The following MYH15 variants were observed in gnomAD, a reference collection of about 807,000 sequenced individuals.
MYH15 encodes myosin-15.
MYH15 carries 227 observed loss-of-function variants against 240.5 expected under a neutral mutation model. The ratio of observed to expected loss-of-function variants is 0.94; its 90% confidence interval spans 0.85 to 1.05. The LOEUF is 1.05. Ranked by LOEUF, MYH15 falls within the 50% of genes least tolerant of loss-of-function variation. MYH15 has a pLI of 0.00. For synonymous variants in MYH15, 785 were observed against 796.7 expected (o/e 0.99, Z 0.25); for missense variants, 2,217 against 2,247.5 (o/e 0.99, Z 0.27).
chr3:108,539,098 AGTAAGTTTC>A, the MYH15 span, among the ~76,000 whole-genome samples: 1 of 152,212 alleles, frequency 6.6e-6, no homozygotes, highest in Non-Finnish European at 1.5e-5. Flanking sequence ...TGCATTGTGT[AGTAAGTTTC>A]CTACACATGA....
intron 36 of MYH15, among the ~76,000 whole-genome samples, 157 bp from the exon 37 acceptor site, chr3:108,392,087 C>T (rs1401892768): frequency 1.3e-5 from 2 of 152,098 alleles, no homozygotes; most frequent in Non-Finnish European, 2.9e-5. Flanking sequence ...CTACCACCCT[C>T]GAGTTTGTTA....
At chr3:108,478,709 T>A (rs749382842) in intron 11 of MYH15, among the ~76,000 whole-genome samples, 1 of 152,156 alleles carries the variant, frequency 6.6e-6, no homozygotes, top group Non-Finnish European at 1.5e-5. Context: ...ACATTTGTTT[T>A]TTCTAAGCTT....
Position 108,399,222 on chromosome 3 carries a change from A to G in MYH15, c.4782T>C (p.Asp1594=). 1 of 1,614,216 alleles carries G rather than the reference A, an allele frequency of 6.2e-7. No homozygotes were observed. The highest frequency in any genetic ancestry group is 8.5e-7 in the Non-Finnish European group (1 of 1,180,020). The change falls in exon 34 of 41, where the codon GAT becomes GAC. Residue 1594 remains aspartate (D), a synonymous_variant. Transcript: ENST00000693548. ...CTIDSLQSSL[D]SEAKSRIEVT... ...CCTCAATTCTGCTCTTAGCTTCAGA[A>G]TCCAGACTAGACTGCAGGGAGTCAA...
upstream of MYH15, among the ~76,000 whole-genome samples, chr3:108,534,248 G>A (rs1401020084): frequency 6.6e-6 from 1 of 152,024 alleles, no homozygotes; most frequent in African/African-American, 2.4e-5. Flanking sequence ...AACTCCAATT[G>A]CATATTATAA....
intron 15 of MYH15, among the ~76,000 whole-genome samples, chr3:108,464,416 C>CA (rs1376009440): frequency 2.0e-5 from 3 of 152,198 alleles, no homozygotes; most frequent in Non-Finnish European, 4.4e-5. Context: ...TTGAGGTTGA[C>CA]AGAGTCCATT....
At chr3:108,502,738 A>G (rs1050293562) in intron 2 of MYH15, among the ~76,000 whole-genome samples, 3 of 151,984 alleles carry the variant, frequency 2.0e-5, no homozygotes, top group African/African-American at 7.3e-5. Context: ...ATTTAATCCC[A>G]GTTGGTGATG....
At chr3:108,428,098 G>C (rs995305075) in intron 27 of MYH15, among the ~76,000 whole-genome samples, 3 of 152,142 alleles carry the variant, frequency 2.0e-5, no homozygotes, top group South Asian at 2.1e-4. Context: ...AGCTGTTTGT[G>C]TACACCATTC....
At chr3:108,527,966 G>T (rs1413748229) in intron 1 of MYH15, among the ~76,000 whole-genome samples, 6 of 152,176 alleles carry the variant, frequency 3.9e-5, no homozygotes, top group African/African-American at 1.4e-4. Context: ...TCTGGTGAGG[G>T]ACTTCTTGCA....
the MYH15 span, among the ~76,000 whole-genome samples, chr3:108,537,182 A>G: frequency 6.6e-6 from 1 of 152,200 alleles, no homozygotes; most frequent in Non-Finnish European, 1.5e-5. Flanking sequence ...CAGAGATGGG[A>G]GCAGGTATGA....
rs144594442 is a variant in MYH15, at chr3:108,443,587, C to T, written c.2655+1053G>A. ...GGGCTGTTTCAGGATCACAGTAGTC[C>T]GAGGGCTAGGGAGGAGTAACATGAA... On this transcript the variant is annotated intron_variant, in intron 22 of 40. Coordinates refer to ENST00000693548, the MANE Select transcript of MYH15 (RefSeq NM_014981.3). 7.0e-4 allele frequency among the ~76,000 whole-genome samples: 106 copies of T among 152,104 alleles called. 1 individual carries two copies. The East Asian group carries it at 0.018, about 26-fold the overall frequency.
At chr3:108,479,487 G>A (rs2107592522) in intron 11 of MYH15, among the ~76,000 whole-genome samples, 1 of 152,326 alleles carries the variant, frequency 6.6e-6, no homozygotes. Context: ...GAACAAAGTT[G>A]TTATTGTGGT....
At chr3:108,505,430 T>C (rs2083468156) in intron 2 of MYH15, among the ~76,000 whole-genome samples, 1 of 152,028 alleles carries the variant, frequency 6.6e-6, no homozygotes, top group Non-Finnish European at 1.5e-5. Context: ...CCACCACGAC[T>C]GGTTTATTTT....
At chr3:108,438,745 A>G (rs1576233998) in intron 24 of MYH15, among the ~76,000 whole-genome samples, 1 of 152,150 alleles carries the variant, frequency 6.6e-6, no homozygotes, top group African/African-American at 2.4e-5. Flanking sequence ...TACTTTGATC[A>G]TGGACTTCCC....
At chr3:108,499,992 A>G in intron 4 of MYH15, 126 bp downstream of exon 4, 1 of 1,089,964 alleles carries the variant, frequency 9.2e-7, no homozygotes, top group Non-Finnish European at 1.3e-6. Flanking sequence ...AAGGAAACAG[A>G]GGCTTCAAGT....
At chr3:108,385,838 C>T (rs764470956) in intron 38 of MYH15, among the ~76,000 whole-genome samples, 6 of 151,908 alleles carry the variant, frequency 3.9e-5, no homozygotes, top group Non-Finnish European at 8.8e-5. Flanking sequence ...CCTGTTTCCC[C>T]AGAGCTCCCC....
intron 21 of MYH15, among the ~76,000 whole-genome samples, chr3:108,450,713 A>G (rs1200256054): frequency 6.6e-6 from 1 of 152,226 alleles, no homozygotes; most frequent in Non-Finnish European, 1.5e-5. Flanking sequence ...CCACACACAC[A>G]AAAGATAACT....
In MYH15 at chr3:108,428,780, C is replaced by G. The variant is rs267599528; in HGVS notation, c.3414G>C (p.Leu1138Phe). Residue 1138 changes from leucine (L) to phenylalanine (F), a missense_variant, in exon 27 of 41, where the codon TTG becomes TTC. Leu to Phe is a conservative substitution (Grantham distance 22). Transcript: ENST00000693548. ...CTCCTACCTCCTCCAGCCTCTCATT[C>G]AAGTCAGCCAGGTCTTGGGTGAGGT... The part of the protein sequence containing the change: ...RADLTQDLAD[L>F]NERLEEVGGS... 1 of 1,614,048 alleles carries G rather than the reference C, an allele frequency of 6.2e-7. No homozygotes were observed. Among genetic ancestry groups the G allele is most frequent in the Non-Finnish European group, 8.5e-7 (1 of 1,180,014 alleles).
chr3:108,536,010 GT>G, the MYH15 span, among the ~76,000 whole-genome samples: 4 of 152,198 alleles, frequency 2.6e-5, no homozygotes, highest in Non-Finnish European at 5.9e-5. Context: ...GCTCATGTCT[GT>G]AATCCCAGCA....
At chr3:108,427,566 G>A (rs2082734116) in intron 27 of MYH15, among the ~76,000 whole-genome samples, 1 of 151,428 alleles carries the variant, frequency 6.6e-6, no homozygotes, top group Admixed American at 6.6e-5. Context: ...CCCAGTCTGT[G>A]GTATTTCATT....
Sources: allele counts gnomAD v4.1 joint callset (sites outside exome capture counted in the v4.1 genomes callset), GRCh38; gene constraint gnomAD v4.1.1; transcripts MANE v1.5; gene names NCBI Gene and HGNC (gene_info 2026-07-23, HGNC 2026-07-21).